Variants in MARCHF3 observed in about 807,000 individuals in gnomAD.
The protein encoded by MARCHF3 is E3 ubiquitin-protein ligase MARCHF3.
MARCHF3 carries 13 observed loss-of-function variants against 24.2 expected under a neutral mutation model. The ratio of observed to expected loss-of-function variants is 0.54; its 90% CI spans 0.35 to 0.85. The LOEUF is 0.85. Among genes scored for constraint, MARCHF3 ranks in the 40% least tolerant of loss-of-function variants. The probability of loss-of-function intolerance (pLI) is 0.01; values close to 1 mark genes in which losing one functional copy is unlikely to be tolerated. For missense variants in MARCHF3, 276 were observed against 325.0 expected (o/e 0.85, Z 1.16); for synonymous variants, 144 against 137.3 (o/e 1.05, Z -0.34).
chr5:126,946,790 GTGTGTGTC>G (rs1315203816), intron 1 of MARCHF3, among the ~76,000 whole-genome samples: 2 of 151,398 alleles, frequency 1.3e-5, no homozygotes, highest in African/African-American at 2.4e-5. Context: ...GTGTGTGTGT[GTGTGTGTC>G]TGTGTGTGTG....
intron 3 of MARCHF3, among the ~76,000 whole-genome samples, chr5:126,909,868 T>G (rs991752045): frequency 1.4e-4 from 21 of 152,158 alleles, no homozygotes; most frequent in African/African-American, 5.1e-4. Flanking sequence ...TAAAAAAGGT[T>G]AATAAATAAA....
chr5:126,977,131 C>T (rs368851923), intron 1 of MARCHF3, among the ~76,000 whole-genome samples: 3 of 152,140 alleles, frequency 2.0e-5, no homozygotes, highest in Non-Finnish European at 2.9e-5. Context: ...GTTTTGGGTC[C>T]GAGGTAAATA....
At chr5:127,013,471 C>T (rs1042417298) in intron 1 of MARCHF3, among the ~76,000 whole-genome samples, 18 of 152,096 alleles carry the variant, frequency 1.2e-4, no homozygotes, top group African/African-American at 4.3e-4. Context: ...TGACCCAGCC[C>T]TTTAATTACT....
rs749241912 is a variant in MARCHF3, at chr5:126,960,102, C to T, written c.-56-41875G>A. 1.1e-4 allele frequency among the ~76,000 whole-genome samples: 16 copies of T among 152,158 alleles called. No homozygotes were observed. In the South Asian group the frequency reaches 2.5e-3, roughly 24 times the overall value. ...CAACGGTCCATACAACGGTTTGATC[C>T]AGCCTGGTTTCAACCCATCTTGGAG... On this transcript the variant is annotated intron_variant, in intron 1 of 4. Transcript: ENST00000308660.
chr5:126,900,479 A>C (rs952151318), intron 3 of MARCHF3, among the ~76,000 whole-genome samples: 1 of 152,102 alleles, frequency 6.6e-6, no homozygotes, highest in African/African-American at 2.4e-5. Context: ...GGACATAGAC[A>C]GAAGTTGGCA....
intron 1 of MARCHF3, among the ~76,000 whole-genome samples, chr5:126,922,621 A>G (rs1394104454): frequency 6.6e-6 from 1 of 151,864 alleles, no homozygotes; most frequent in East Asian, 1.9e-4. Context: ...ATCTCCGCTC[A>G]CTGCAAGCTC....
At chr5:126,992,251 A>G (rs1215365145) in intron 1 of MARCHF3, among the ~76,000 whole-genome samples, 2 of 151,804 alleles carry the variant, frequency 1.3e-5, no homozygotes, top group African/African-American at 4.9e-5. Flanking sequence ...CATATTTATT[A>G]GTCTTTATCA....
At position 126,870,013 on chromosome 5, in the gene MARCHF3, T is replaced by C. The variant is rs112629286; in HGVS notation, c.*620A>G. 6 of 150,334 alleles carry C rather than the reference T, an allele frequency of 4.0e-5. No individual in the cohort carries two copies. Among genetic ancestry groups the C allele is most frequent in the Non-Finnish European group, 7.4e-5 (5 of 67,924 alleles). 9.3% of individuals were successfully genotyped at this position (150,334 alleles called of 1,614,324 possible). On this transcript the variant is annotated 3_prime_UTR_variant, in exon 5 of 5. Transcript: ENST00000308660. ...TCACTGTGTGAGCTCACGCCCTTTT[T>C]CCCTTTAAAAACTGAATAATTAAAT...
rs377327498 is a variant in MARCHF3 at position 126,890,556 on chromosome 5, C to T, written c.394-12162G>A. 1.5e-4 allele frequency among the ~76,000 whole-genome samples: 23 copies of T among 151,146 alleles called. No individual in the cohort carries two copies. The East Asian group carries it at 2.7e-3, about 18-fold the overall frequency. On this transcript the variant is annotated intron_variant, in intron 3 of 4. Coordinates refer to ENST00000308660, the MANE Select transcript of MARCHF3 (RefSeq NM_178450.5). The stretch of plus-strand genomic sequence containing the variant: ...TGCAGTGTTTGGTTTTTTGTTCTTG[C>T]GATAGTTTACTGAGAATGAAGTTTT...
chr5:126,912,298 G>A (rs1754562760), intron 3 of MARCHF3, among the ~76,000 whole-genome samples: 1 of 152,214 alleles, frequency 6.6e-6, no homozygotes, highest in Non-Finnish European at 1.5e-5. Flanking sequence ...TTGACAACTG[G>A]AAGTCTGAGG....
At chr5:126,896,444 G>C (rs1753919092) in intron 3 of MARCHF3, among the ~76,000 whole-genome samples, 1 of 152,144 alleles carries the variant, frequency 6.6e-6, no homozygotes, top group Middle Eastern at 3.2e-3. Context: ...GATGAATAGA[G>C]TTGGGGTCTG....
intron 1 of MARCHF3, among the ~76,000 whole-genome samples, chr5:127,003,643 G>C (rs934355686): frequency 2.0e-5 from 3 of 151,596 alleles, no homozygotes; most frequent in African/African-American, 7.3e-5. Flanking sequence ...CCAGCTACTC[G>C]GGAGGCTGAG....
intron 1 of MARCHF3, among the ~76,000 whole-genome samples, chr5:126,987,213 G>T (rs954566618): frequency 1.3e-5 from 2 of 152,178 alleles, no homozygotes; most frequent in Non-Finnish European, 2.9e-5. Flanking sequence ...TCATTAGTGG[G>T]TATAAAGTTT....
At chr5:126,896,809 C>G (rs1192064230) in intron 3 of MARCHF3, among the ~76,000 whole-genome samples, 1 of 151,926 alleles carries the variant, frequency 6.6e-6, no homozygotes, top group Non-Finnish European at 1.5e-5. Flanking sequence ...ACATAATTAC[C>G]TTTCTAGGTT....
chr5:126,933,614 T>G (rs1259152768), intron 1 of MARCHF3, among the ~76,000 whole-genome samples: 1 of 152,066 alleles, frequency 6.6e-6, no homozygotes, highest in African/African-American at 2.4e-5. Context: ...TCGGCTAATT[T>G]TTTGTATTTT....
At chr5:126,907,803 G>A (rs1277473111) in intron 3 of MARCHF3, among the ~76,000 whole-genome samples, 58 of 150,580 alleles carry the variant, frequency 3.9e-4, no homozygotes, top group African/African-American at 1.3e-3. Context: ...TTTAATTGGA[G>A]CATTTAGTCC....
chr5:126,922,105 G>A (rs1459312568), intron 1 of MARCHF3, among the ~76,000 whole-genome samples: 3 of 152,182 alleles, frequency 2.0e-5, no homozygotes, highest in Non-Finnish European at 4.4e-5. Context: ...CTGGCATAAC[G>A]AGGATGCGGC....
At chr5:126,953,904 C>T (rs546159695) in intron 1 of MARCHF3, among the ~76,000 whole-genome samples, 104 of 152,224 alleles carry the variant, frequency 6.8e-4, no homozygotes, top group Non-Finnish European at 1.3e-3. Context: ...TTTATCTTTT[C>T]GTTCAATGGT....
intron 1 of MARCHF3, among the ~76,000 whole-genome samples, chr5:126,969,638 C>T (rs148695751): frequency 6.2e-4 from 94 of 152,318 alleles, no homozygotes; most frequent in African/African-American, 2.2e-3. Context: ...CATTTGCAGA[C>T]ATAACCACAA....
Sources: gnomAD v4.1 joint callset for allele counts (sites outside exome capture counted in the v4.1 genomes callset) on GRCh38, gnomAD v4.1.1 for gene constraint, MANE v1.5 for transcripts, NCBI Gene and HGNC (gene_info 2026-07-23, HGNC 2026-07-21) for gene names.